The following VAV3 variants were observed in gnomAD, a reference collection of about 807,000 sequenced individuals.
VAV3 encodes guanine nucleotide exchange factor VAV3.
A neutral mutation model predicts 131.2 loss-of-function variants in VAV3; 94 were observed. That is an observed-to-expected ratio of 0.72 (90% confidence interval 0.61 to 0.85). VAV3 has a LOEUF of 0.85. VAV3 is among the 40% of genes least tolerant of loss of function. The pLI is 0.00. For synonymous variants in VAV3, 349 were observed against 342.0 expected, an observed-to-expected ratio of 1.02 and a Z score of -0.22; for missense variants, 939 against 1,002.7, an observed-to-expected ratio of 0.94 and a Z score of 0.86.
chr1:107,602,338 A>G, intron 24 of VAV3, 59 bp downstream of exon 24: 1 of 1,227,914 alleles, frequency 8.1e-7, no homozygotes, highest in Non-Finnish European at 1.1e-6. Flanking sequence ...AATTAAAATG[A>G]CCTTTCTAAC....
At chr1:107,959,701 C>A (rs1283114773) in intron 1 of VAV3, among the ~76,000 whole-genome samples, 1 of 152,048 alleles carries the variant, frequency 6.6e-6, no homozygotes, top group African/African-American at 2.4e-5. Context: ...GTGGTATCAC[C>A]CAGTCTCATG....
chr1:107,923,808 G>A (rs772459485), intron 1 of VAV3, among the ~76,000 whole-genome samples: 3 of 152,080 alleles, frequency 2.0e-5, no homozygotes, highest in South Asian at 2.1e-4. Context: ...ATGAGATTTC[G>A]GTGGGGACAC....
intron 2 of VAV3, among the ~76,000 whole-genome samples, chr1:107,836,025 A>G (rs566138117): frequency 1.2e-4 from 18 of 152,372 alleles, no homozygotes; most frequent in Non-Finnish European, 2.2e-4. Context: ...TGGAGCATCC[A>G]GATTCATAAA....
chr1:107,674,448 G>A (rs1262034254), intron 19 of VAV3, among the ~76,000 whole-genome samples: 1 of 152,142 alleles, frequency 6.6e-6, no homozygotes, highest in Non-Finnish European at 1.5e-5. Flanking sequence ...CCATAAATCT[G>A]CTTGGTAACA....
At chr1:107,653,410 A>C (rs1656315507) in intron 19 of VAV3, among the ~76,000 whole-genome samples, 1 of 152,052 alleles carries the variant, frequency 6.6e-6, no homozygotes, top group Non-Finnish European at 1.5e-5. Context: ...TTTATTTATA[A>C]AATGGTGCTA....
rs746473457 is a variant in VAV3 at position 107,964,654 on chromosome 1, C to A, written c.204+12G>T. Reference sequence around the variant, plus strand: ...CCGGCTGGAGGCGGGGCGCCCGTGCCGGCCTCCTCACCTGGGACATCTGCG... The same window carrying A: ...CCGGCTGGAGGCGGGGCGCCCGTGCAGGCCTCCTCACCTGGGACATCTGCG... On this transcript the variant is annotated intron_variant, in intron 1 of 26. Coordinates refer to ENST00000370056, the MANE Select transcript of VAV3 (RefSeq NM_006113.5). 9 of 1,608,566 alleles carry A rather than the reference C, an allele frequency of 5.6e-6. No homozygotes were observed. The highest frequency in any genetic ancestry group is 7.6e-6 in the Non-Finnish European group (9 of 1,177,152).
At chr1:107,910,111 A>C (rs1411642761) in intron 1 of VAV3, among the ~76,000 whole-genome samples, 1 of 152,200 alleles carries the variant, frequency 6.6e-6, no homozygotes. Flanking sequence ...CTCATTTTAC[A>C]GAAGAGGAAA....
chr1:107,862,770 C>T (rs750476450), intron 2 of VAV3: 7 of 145,788 alleles, frequency 4.8e-5, no homozygotes, highest in African/African-American at 1.5e-4. Flanking sequence ...AATTAGAATA[C>T]GTGCATTAGT....
At chr1:107,882,442 A>G (rs1231353829) in intron 1 of VAV3, among the ~76,000 whole-genome samples, 2 of 152,118 alleles carry the variant, frequency 1.3e-5, no homozygotes, top group African/African-American at 4.8e-5. Context: ...CGACCATGAA[A>G]CCGATTTACA....
intron 15 of VAV3, among the ~76,000 whole-genome samples, chr1:107,711,845 C>T (rs1390722975): frequency 6.6e-6 from 1 of 151,998 alleles, no homozygotes; most frequent in Non-Finnish European, 1.5e-5. Context: ...ACTAGCATGC[C>T]TGGCCAATTT....
chr1:107,850,879 C>T (rs925227336), intron 2 of VAV3, among the ~76,000 whole-genome samples: 1 of 151,658 alleles, frequency 6.6e-6, no homozygotes, highest in Non-Finnish European at 1.5e-5. Context: ...TATATATTTC[C>T]TTTCGTATGG....
intron 12 of VAV3, among the ~76,000 whole-genome samples, chr1:107,753,629 G>A (rs1360901088): frequency 2.7e-5 from 4 of 149,328 alleles, no homozygotes; most frequent in South Asian, 2.1e-4. Flanking sequence ...GCATGATCTC[G>A]GTTCACTGCA....
intron 2 of VAV3, among the ~76,000 whole-genome samples, chr1:107,869,486 T>G (rs1226673633): frequency 1.3e-5 from 2 of 152,116 alleles, no homozygotes; most frequent in Non-Finnish European, 2.9e-5. Flanking sequence ...TGTTAAGCAC[T>G]TGACATACAC....
At chr1:107,815,135 C>A (rs1413614558) in intron 2 of VAV3, among the ~76,000 whole-genome samples, 2 of 152,230 alleles carry the variant, frequency 1.3e-5, no homozygotes, top group Non-Finnish European at 2.9e-5. Flanking sequence ...ACTTCGGCTG[C>A]TGTGTATCTG....
At chr1:107,644,753 G>T (rs916980172) in intron 19 of VAV3, among the ~76,000 whole-genome samples, 1 of 152,038 alleles carries the variant, frequency 6.6e-6, no homozygotes, top group African/African-American at 2.4e-5. Context: ...ATATATTAGG[G>T]ATTAAAATAC....
intron 2 of VAV3, among the ~76,000 whole-genome samples, chr1:107,830,696 C>G (rs1454196149): frequency 1.3e-5 from 2 of 152,150 alleles, no homozygotes; most frequent in East Asian, 1.9e-4. Context: ...ATCTGCCTTT[C>G]TTTACCTACG....
intron 19 of VAV3, among the ~76,000 whole-genome samples, chr1:107,644,108 A>C (rs911363992): frequency 6.6e-6 from 1 of 152,140 alleles, no homozygotes; most frequent in Non-Finnish European, 1.5e-5. Context: ...ACTTTCCCCT[A>C]AACAACACTC....
intron 2 of VAV3, among the ~76,000 whole-genome samples, chr1:107,856,108 G>A (rs776765583): frequency 1.1e-4 from 16 of 152,186 alleles, no homozygotes; most frequent in Non-Finnish European, 2.2e-4. Context: ...GACACAGGTG[G>A]AGTGGGTGAG....
chr1:107,903,820 T>C (rs1168656293), intron 1 of VAV3, among the ~76,000 whole-genome samples: 1 of 152,176 alleles, frequency 6.6e-6, no homozygotes, highest in Non-Finnish European at 1.5e-5. Context: ...TGTAAATAAA[T>C]TAATCTGCCT....
Sources: gnomAD v4.1 joint callset for allele counts (sites outside exome capture counted in the v4.1 genomes callset) on GRCh38, gnomAD v4.1.1 for gene constraint, MANE v1.5 for transcripts, NCBI Gene and HGNC (gene_info 2026-07-23, HGNC 2026-07-21) for gene names.